NOL4L: variants seen among roughly 807,000 people sequenced by gnomAD.
NOL4L encodes the protein nucleolar protein 4 like, also known as nucleolar protein 4-like.
In NOL4L, 7 loss-of-function variants were observed where a neutral mutation model predicts 64.5. The ratio of observed to expected loss-of-function variants is 0.11; its 90% CI spans 0.06 to 0.20. The LOEUF is 0.20. Among genes scored for constraint, NOL4L ranks in the 10% least tolerant of loss-of-function variants. The probability of loss-of-function intolerance (pLI) is 1.00; values close to 1 mark genes in which losing one functional copy is unlikely to be tolerated. For synonymous variants in NOL4L, 413 were observed against 401.0 expected (o/e 1.03, Z -0.36); for missense variants, 680 against 967.1 (o/e 0.70, Z 3.94).
chr20:32,449,383 C>T (rs1321973847), intron 10 of NOL4L, among the ~76,000 whole-genome samples: 1 of 152,188 alleles, frequency 6.6e-6, no homozygotes, highest in Non-Finnish European at 1.5e-5. Flanking sequence ...GCTCTTGTCA[C>T]GGGAGGTATC....
rs1450738541 is a variant in NOL4L at position 32,445,775 on chromosome 20, A to AC, written c.*1820dup. The AC allele has an allele frequency of 4.0e-5, 6 of 151,774 alleles. No homozygotes were observed. Among genetic ancestry groups the AC allele is most frequent in the Admixed American group, 6.6e-5 (1 of 15,232 alleles). The allele number at this position is 151,774 out of a possible 1,614,324, so 9.4% of individuals were successfully genotyped here. A position where few individuals can be genotyped will look rare whatever the true frequency, so the allele number is the denominator to read the frequency against. On this transcript the variant is annotated 3_prime_UTR_variant, in exon 11 of 11. Transcript: ENST00000621426. Reference sequence around the variant, plus strand: ...GGAGGCCACTTGAGAGATAACGACCACCCCCAACCTCTAGGGGCCGGAAGT... The same window carrying AC: ...GGAGGCCACTTGAGAGATAACGACCACCCCCCAACCTCTAGGGGCCGGAAGT...
chr20:32,495,625 C>T (rs924331604), intron 4 of NOL4L, among the ~76,000 whole-genome samples: 2 of 152,168 alleles, frequency 1.3e-5, no homozygotes, highest in Non-Finnish European at 1.5e-5. Flanking sequence ...CCACAGATGT[C>T]TGACCCAAAC....
At chr20:32,447,947 C>T in intron 10 of NOL4L, 131 bp from the exon 11 acceptor site, 1 of 1,217,726 alleles carries the variant, frequency 8.2e-7, no homozygotes, top group Non-Finnish European at 1.1e-6. Context: ...GTCCGTGGCT[C>T]TGGTCCATCT....
chr20:32,453,278 G>T lies in NOL4L; in HGVS notation c.1497+26C>A. The T allele has an allele frequency of 6.2e-7, 1 of 1,606,468 alleles. No homozygotes were observed. Among genetic ancestry groups the T allele is most frequent in the Non-Finnish European group, 8.5e-7 (1 of 1,174,758 alleles). ...AGGTCAGTAGTGGCACCGAGGGAAAGTGTGGGCCAGGCAGGGGGGACTCAC... is the reference window on the plus strand; with the variant it reads ...AGGTCAGTAGTGGCACCGAGGGAAATTGTGGGCCAGGCAGGGGGGACTCAC... On this transcript the variant is annotated intron_variant, in intron 8 of 10. Coordinates refer to ENST00000621426, the MANE Select transcript of NOL4L (RefSeq NM_001256798.2). This position sits in a 1 kb window ranked among gnomAD's most constrained non-coding sequence, Gnocchi z 5.6.
chr20:32,517,488 G>A (rs972988234), intron 3 of NOL4L, among the ~76,000 whole-genome samples: 14 of 152,220 alleles, frequency 9.2e-5, no homozygotes, highest in African/African-American at 3.1e-4. Context: ...CAGGAGGAGG[G>A]GAACCTGGGG....
chr20:32,455,374 TCCCCAC>T (rs2013388862), intron 6 of NOL4L, among the ~76,000 whole-genome samples: 2 of 152,204 alleles, frequency 1.3e-5, no homozygotes, highest in African/African-American at 4.8e-5. Flanking sequence ...GTACAGAATG[TCCCCAC>T]GAGACATTCC....
At chr20:32,509,233 T>G (rs576528794) in intron 4 of NOL4L, among the ~76,000 whole-genome samples, 2 of 151,918 alleles carry the variant, frequency 1.3e-5, no homozygotes, top group Non-Finnish European at 2.9e-5. Context: ...CTCCCCTAGA[T>G]CAGAAGAAAA....
chr20:32,447,828 G>A lies in NOL4L; in HGVS notation c.1823-12C>T, dbSNP rs368927465. ...GAGGTCCGTGGGCCCTGTGGAGAGG[G>A]AAGTAGGGTGAGAAGGGAGCAGCCA... On this transcript the variant is annotated splice_polypyrimidine_tract_variant and intron_variant, in intron 10 of 10. Transcript: ENST00000621426. 9 of 1,534,298 alleles carry A rather than the reference G, an allele frequency of 5.9e-6. No homozygotes were observed. The highest frequency in any genetic ancestry group is 7.0e-6 in the Non-Finnish European group (8 of 1,139,510).
At position 32,463,686 on chromosome 20, in the gene NOL4L, G is replaced by A. The variant is rs867693699; in HGVS notation, c.842-7291C>T. Among the ~76,000 whole-genome samples, 16 of 152,236 alleles carry A rather than the reference G, an allele frequency of 1.1e-4. No individual in the cohort carries two copies. The highest frequency in any genetic ancestry group is 3.6e-4 in the African/African-American group (15 of 41,464). ...TCCTCCCTCTGTCCCGTCTCCAGAA[G>A]GAGACAAAAACCCCTTTTACCTCAG... On this transcript the variant is annotated intron_variant, in intron 5 of 10. Coordinates refer to ENST00000621426, the MANE Select transcript of NOL4L (RefSeq NM_001256798.2). This position sits in a 1 kb window ranked among gnomAD's most constrained non-coding sequence, Gnocchi z 5.8.
intron 5 of NOL4L, among the ~76,000 whole-genome samples, chr20:32,465,381 A>AT (rs2014456421): frequency 6.6e-6 from 1 of 152,070 alleles, no homozygotes; most frequent in African/African-American, 2.4e-5. Context: ...GCCAGCCTTG[A>AT]TTTGCCCATC....
Position 32,444,554 on chromosome 20 carries a change from CTG to C in NOL4L, c.*3040_*3041del, listed in dbSNP as rs1395205542. 3 of 152,228 alleles carry C rather than the reference CTG, an allele frequency of 2.0e-5. No homozygotes were observed. Among genetic ancestry groups the C allele is most frequent in the East Asian group, 1.9e-4 (1 of 5,200 alleles). The allele number at this position is 152,228 out of a possible 1,614,324, so 9.4% of individuals were successfully genotyped here. A position where few individuals can be genotyped will look rare whatever the true frequency, so the allele number is the denominator to read the frequency against. On this transcript the variant is annotated 3_prime_UTR_variant, in exon 11 of 11. Transcript: ENST00000621426. ...CGTCAGCACTGTCCTTGGGAATAAA[CTG>C]TCCTTTGTAAGAGTGGTGACGGTAA... is the stretch of plus-strand genomic sequence containing the variant.
chr20:32,447,384 C>T lies in NOL4L; in HGVS notation c.*212G>A. ...TTGGCCTCTTCCAAGCAGGTCAGAG[C>T]ACCCGTGTGGTGAGATTCCAAAAAA... is the stretch of plus-strand genomic sequence containing the variant. On this transcript the variant is annotated 3_prime_UTR_variant, in exon 11 of 11. Coordinates refer to ENST00000621426, the MANE Select transcript of NOL4L (RefSeq NM_001256798.2). 3 of 624,710 alleles carry T rather than the reference C, an allele frequency of 4.8e-6. No homozygotes were observed. The highest frequency in any genetic ancestry group is 7.6e-6 in the Non-Finnish European group (3 of 396,464). 38.7% of individuals were successfully genotyped at this position (624,710 alleles called of 1,614,324 possible). A position where few individuals can be genotyped will look rare whatever the true frequency, so the allele number is the denominator to read the frequency against.
chr20:32,479,426 CTTACA>C (rs930945529), intron 4 of NOL4L, among the ~76,000 whole-genome samples: 1 of 152,184 alleles, frequency 6.6e-6, no homozygotes, highest in African/African-American at 2.4e-5. Context: ...TTCAACAAAA[CTTACA>C]TTAGAGAATA....
At chr20:32,538,316 G>T (rs1207238238) in intron 1 of NOL4L, among the ~76,000 whole-genome samples, 2 of 152,152 alleles carry the variant, frequency 1.3e-5, no homozygotes, top group African/African-American at 4.8e-5. Flanking sequence ...GCCCAGGGTT[G>T]GGGGGTGCAC....
At chr20:32,537,651 CTCT>C (rs1568699840) in intron 1 of NOL4L, among the ~76,000 whole-genome samples, 1 of 152,190 alleles carries the variant, frequency 6.6e-6, no homozygotes, top group African/African-American at 2.4e-5. Context: ...CAGCACACAC[CTCT>C]TCTTCCTTTC....
intron 4 of NOL4L, among the ~76,000 whole-genome samples, chr20:32,479,857 C>T (rs1180945823): frequency 6.6e-6 from 1 of 152,228 alleles, no homozygotes; most frequent in Non-Finnish European, 1.5e-5. Flanking sequence ...ACCTGGGAGC[C>T]CTGCCTCTGG....
At chr20:32,488,747 T>TTCCTTCC (rs1392925840) in intron 4 of NOL4L, among the ~76,000 whole-genome samples, 19 of 106,904 alleles carry the variant, frequency 1.8e-4, no homozygotes, top group Admixed American at 1.2e-3. Flanking sequence ...CTTTCTTTCT[T>TTCCTTCC]TTCCTTCCTT....
intron 4 of NOL4L, chr20:32,486,608 A>G (rs2145506502): frequency 1.4e-5 from 6 of 419,062 alleles, no homozygotes; most frequent in South Asian, 1.1e-4. Context: ...TAGCGTGACC[A>G]GAGCAGACAC....
intron 5 of NOL4L, among the ~76,000 whole-genome samples, chr20:32,473,633 T>C (rs2145480880): frequency 6.6e-6 from 1 of 152,302 alleles, no homozygotes; most frequent in Non-Finnish European, 1.5e-5. Flanking sequence ...GCCATGGAGA[T>C]GAACTTTGAC....
Sources: gnomAD v4.1 joint callset for allele counts (sites outside exome capture counted in the v4.1 genomes callset) on GRCh38, gnomAD v4.1.1 for gene constraint, Gnocchi (gnomAD v3.1) non-coding constraint, MANE v1.5 for transcripts, NCBI Gene and HGNC (gene_info 2026-07-23, HGNC 2026-07-21) for gene names.